The following CENPP variants were observed in gnomAD, a reference collection of about 807,000 sequenced individuals.
CENPP encodes the protein centromere protein P.
A neutral mutation model predicts 35.6 loss-of-function variants in CENPP; 24 were observed. The ratio of observed to expected loss-of-function variants is 0.67; its 90% CI spans 0.49 to 0.95. The LOEUF is 0.95. CENPP is among the 40% of genes least tolerant of loss of function. The probability of loss-of-function intolerance (pLI) is 0.00; values close to 1 mark genes in which losing one functional copy is unlikely to be tolerated. For synonymous variants in CENPP, 120 were observed against 125.5 expected (o/e 0.96, Z 0.29); for missense variants, 332 against 345.3 (o/e 0.96, Z 0.31).
intron 5 of CENPP, among the ~76,000 whole-genome samples, chr9:92,398,649 T>A (rs2130919926): frequency 6.6e-6 from 1 of 152,380 alleles, no homozygotes; most frequent in East Asian, 1.9e-4. Flanking sequence ...CTGTTGGATT[T>A]ACCATTGTTT....
chr9:92,396,712 G>A (rs1201583922), intron 5 of CENPP, among the ~76,000 whole-genome samples: 1 of 151,790 alleles, frequency 6.6e-6, no homozygotes, highest in East Asian at 1.9e-4. Flanking sequence ...CTACAGGTTT[G>A]TGCCACCACA....
At chr9:92,511,529 T>C (rs2131192879) in intron 5 of CENPP, among the ~76,000 whole-genome samples, 1 of 152,154 alleles carries the variant, frequency 6.6e-6, no homozygotes, top group Non-Finnish European at 1.5e-5. Flanking sequence ...TTCCCCAAGC[T>C]ATCCCTAATT....
chr9:92,400,691 A>T (rs1843076556), intron 5 of CENPP, among the ~76,000 whole-genome samples: 1 of 152,218 alleles, frequency 6.6e-6, no homozygotes, highest in Admixed American at 6.5e-5. Context: ...ATTTTAATTG[A>T]AATGTATGTG....
intron 5 of CENPP, among the ~76,000 whole-genome samples, chr9:92,548,262 A>G (rs957062019): frequency 6.6e-6 from 1 of 152,148 alleles, no homozygotes; most frequent in Non-Finnish European, 1.5e-5. Flanking sequence ...TCTTGCTGGT[A>G]CTTTCTCTGC....
intron 5 of CENPP, chr9:92,502,745 A>G: frequency 9.4e-7 from 1 of 1,068,642 alleles, no homozygotes; most frequent in Non-Finnish European, 1.3e-6. Flanking sequence ...GACTATTATC[A>G]TTAGTATTAT....
intron 5 of CENPP, among the ~76,000 whole-genome samples, chr9:92,443,296 A>G (rs981595180): frequency 2.0e-5 from 3 of 152,178 alleles, no homozygotes; most frequent in South Asian, 2.1e-4. Context: ...TTTTTACCAT[A>G]TATTACCAAT....
chr9:92,431,151 T>G (rs1844099053), intron 5 of CENPP, among the ~76,000 whole-genome samples: 1 of 152,220 alleles, frequency 6.6e-6, no homozygotes, highest in Non-Finnish European at 1.5e-5. Flanking sequence ...TGGTGTTTAG[T>G]GTTTACAGTG....
At chr9:92,532,142 C>T (rs1456160853) in intron 5 of CENPP, among the ~76,000 whole-genome samples, 1 of 149,742 alleles carries the variant, frequency 6.7e-6, no homozygotes, top group African/African-American at 2.5e-5. Flanking sequence ...ACTACAGGCA[C>T]GAACTACCAC....
At chr9:92,597,234 T>C (rs2131381827) in intron 5 of CENPP, among the ~76,000 whole-genome samples, 1 of 152,296 alleles carries the variant, frequency 6.6e-6, no homozygotes, top group East Asian at 1.9e-4. Flanking sequence ...GCAGATTTCA[T>C]ATGACCACTG....
intron 1 of CENPP, among the ~76,000 whole-genome samples, chr9:92,331,354 G>A (rs1302064522): frequency 2.0e-5 from 3 of 151,866 alleles, no homozygotes; most frequent in African/African-American, 7.3e-5. Flanking sequence ...CAAATTTTTT[G>A]TATATTTAGT....
intron 5 of CENPP, among the ~76,000 whole-genome samples, chr9:92,533,355 A>C (rs1848977646): frequency 7.9e-6 from 1 of 126,424 alleles, no homozygotes; most frequent in African/African-American, 2.9e-5. Context: ...ATATATATAT[A>C]TATGCTTTGG....
At chr9:92,598,745 GTTTTT>G (rs35301833) in intron 5 of CENPP, among the ~76,000 whole-genome samples, 1 of 144,612 alleles carries the variant, frequency 6.9e-6, no homozygotes, top group African/African-American at 2.5e-5. Flanking sequence ...AACTGAAGGG[GTTTTT>G]TTTTTTTTTG....
intron 5 of CENPP, among the ~76,000 whole-genome samples, chr9:92,566,034 G>A (rs920359183): frequency 2.6e-5 from 4 of 152,166 alleles, no homozygotes; most frequent in Non-Finnish European, 5.9e-5. Context: ...CAAGCGTGGT[G>A]GCTCATGCCT....
intron 5 of CENPP, among the ~76,000 whole-genome samples, chr9:92,576,096 C>T (rs1460393969): frequency 6.6e-6 from 1 of 152,172 alleles, no homozygotes; most frequent in Non-Finnish European, 1.5e-5. Context: ...ACATTGGAAG[C>T]AATCCAAGTG....
chr9:92,379,296 GTGATGTGTT>G (rs1842192992), intron 4 of CENPP, among the ~76,000 whole-genome samples: 1 of 152,140 alleles, frequency 6.6e-6, no homozygotes, highest in Admixed American at 6.5e-5. Context: ...GATGTGTTTG[GTGATGTGTT>G]TGATGTGTTT....
chr9:92,474,963 T>A (rs1845664806), intron 5 of CENPP: 2 of 1,493,604 alleles, frequency 1.3e-6, no homozygotes, highest in Non-Finnish European at 1.8e-6. Flanking sequence ...TAAATGGATA[T>A]AATTCCTGCA....
chr9:92,550,899 G>T (rs946889130), intron 5 of CENPP, among the ~76,000 whole-genome samples: 1 of 152,102 alleles, frequency 6.6e-6, no homozygotes, highest in Non-Finnish European at 1.5e-5. Flanking sequence ...TCTACCCTAT[G>T]CCATGACCTA....
chr9:92,572,947 A>AT (rs1340810889), intron 5 of CENPP, among the ~76,000 whole-genome samples: 1 of 152,066 alleles, frequency 6.6e-6, no homozygotes, highest in Non-Finnish European at 1.5e-5. Context: ...CCATCAGGTC[A>AT]TTTAAGGTCT....
chr9:92,330,655 T>A (rs898531556), intron 1 of CENPP, among the ~76,000 whole-genome samples: 3 of 150,732 alleles, frequency 2.0e-5, no homozygotes, highest in Admixed American at 6.6e-5. Context: ...TTTCTTTTTT[T>A]AAAAAAGTTT....
Sources: allele counts gnomAD v4.1 joint callset (sites outside exome capture counted in the v4.1 genomes callset), GRCh38; gene constraint gnomAD v4.1.1; transcripts MANE v1.5; gene names NCBI Gene and HGNC (gene_info 2026-07-23, HGNC 2026-07-21).